Variants in PDE4A observed in about 807,000 individuals in gnomAD.
PDE4A encodes the protein 3',5'-cyclic-AMP phosphodiesterase 4A.
In PDE4A, 21 loss-of-function variants were observed where a neutral mutation model predicts 73.9. The ratio of observed to expected loss-of-function variants is 0.28; its 90% confidence interval spans 0.20 to 0.41. The LOEUF is 0.41. Ranked by LOEUF, PDE4A falls within the 10% of genes least tolerant of loss-of-function variation. The probability of loss-of-function intolerance (pLI) is 1.00; values close to 1 mark genes in which losing one functional copy is unlikely to be tolerated. For synonymous variants in PDE4A, 463 were observed against 505.4 expected, an observed-to-expected ratio of 0.92 and a Z score of 1.13; for missense variants, 958 against 1,211.4, an observed-to-expected ratio of 0.79 and a Z score of 3.10.
intron 6 of PDE4A, 110 bp downstream of exon 6, chr19:10,451,051 C>A: frequency 9.4e-7 from 1 of 1,062,274 alleles, no homozygotes; most frequent in Non-Finnish European, 1.4e-6. Context: ...ATGGAGCCAG[C>A]CATTAGGTTG....
At chr19:10,428,684 A>T (rs1240559557) in intron 1 of PDE4A, 1 of 714,254 alleles carries the variant, frequency 1.4e-6, no homozygotes, top group Non-Finnish European at 1.7e-6. Context: ...CAACTGGGGA[A>T]ACTGAGGCTC....
chr19:10,417,106 G>C (rs1000418507), upstream of PDE4A: 4 of 1,456,874 alleles, frequency 2.7e-6, no homozygotes, highest in Non-Finnish European at 3.6e-6. Context: ...AAGCTGTGAG[G>C]AGTTTGGTCC....
intron 1 of PDE4A, among the ~76,000 whole-genome samples, chr19:10,440,110 A>G (rs952245725): frequency 1.9e-4 from 27 of 144,704 alleles, no homozygotes; most frequent in African/African-American, 7.0e-4. Context: ...TCAGCCTCCC[A>G]AGTACCTGGG....
intron 1 of PDE4A, among the ~76,000 whole-genome samples, chr19:10,425,367 A>C (rs2042704674): frequency 6.6e-6 from 1 of 152,206 alleles, no homozygotes; most frequent in South Asian, 2.1e-4. Flanking sequence ...CTCATCAGTC[A>C]AACGGGGCTG....
chr19:10,459,269 T>G, intron 8 of PDE4A, 131 bp from the exon 9 acceptor site: 1 of 1,491,088 alleles, frequency 6.7e-7, no homozygotes, highest in East Asian at 2.4e-5. Context: ...CATTCTGTGC[T>G]GTTGAACCTG....
Position 10,453,246 on chromosome 19 carries a change from G to A in PDE4A, c.784-1583G>A, listed in dbSNP as rs369358816. On this transcript the variant is annotated intron_variant, in intron 6 of 14. Transcript: ENST00000380702. The surrounding 1 kb of genome is among the most constrained non-coding windows in gnomAD (Gnocchi z 4.6). ...CAGCCTCTGTGTGCAGCAGCCCCAG[G>A]CGGGCTAAGTCTCCAAGATGCCCTT... 1 of 1,608,596 alleles carries A rather than the reference G, an allele frequency of 6.2e-7. No homozygotes were observed. Among genetic ancestry groups the A allele is most frequent in the Non-Finnish European group, 8.5e-7 (1 of 1,177,618 alleles).
intron 1 of PDE4A, among the ~76,000 whole-genome samples, chr19:10,441,687 T>A (rs2042940240): frequency 2.1e-5 from 3 of 140,944 alleles, no homozygotes; most frequent in South Asian, 2.3e-4. Context: ...TTGAGTTATT[T>A]TTTTTTTTTT....
chr19:10,461,120 AG>A lies in PDE4A; in HGVS notation c.1465+21del. The A allele has an allele frequency of 6.2e-7, 1 of 1,601,394 alleles. No individual in the cohort carries two copies. The highest frequency in any genetic ancestry group is 8.5e-7 in the Non-Finnish European group (1 of 1,170,574). Reference sequence around the variant, plus strand: ...TCAACACCAGTGAGTGGCCCTCGCCAGGGGCGGGGTTTGCTGAGTTGGAGGC... The same window carrying A: ...TCAACACCAGTGAGTGGCCCTCGCCAGGGCGGGGTTTGCTGAGTTGGAGGC... On this transcript the variant is annotated intron_variant, in intron 11 of 14. Coordinates refer to ENST00000380702, the MANE Select transcript of PDE4A (RefSeq NM_001111307.2).
chr19:10,418,063 T>C (rs2042605454), upstream of PDE4A, among the ~76,000 whole-genome samples: 1 of 152,150 alleles, frequency 6.6e-6, no homozygotes, highest in Non-Finnish European at 1.5e-5. Flanking sequence ...TATTTCATTT[T>C]CCAGCTGCCT....
chr19:10,453,054 C>A lies in PDE4A; in HGVS notation c.784-1775C>A, dbSNP rs1184184143. ...CTGCCGCGGGGGGGCCCGTTGGGGC[C>A]CAGGGCTGGCGGGCCATGTAACCAG... On this transcript the variant is annotated intron_variant, in intron 6 of 14. Coordinates refer to ENST00000380702, the MANE Select transcript of PDE4A (RefSeq NM_001111307.2). The surrounding 1 kb of genome is among the most constrained non-coding windows in gnomAD (Gnocchi z 4.6). 7.4e-7 allele frequency: 1 copy of A among 1,350,344 alleles called. No homozygotes were observed. Among genetic ancestry groups the A allele is most frequent in the Non-Finnish European group, 9.5e-7 (1 of 1,053,604 alleles). The allele number at this position is 1,350,344 out of a possible 1,614,324, so 83.6% of individuals were successfully genotyped here.
chr19:10,459,636 G>A lies in PDE4A; in HGVS notation c.1242G>A (p.Thr414=), dbSNP rs201979291. ...AGAAATTCCGCATCCCTGTGGACAC[G>A]ATGGTGACATACATGCTGACGCTGG... The part of the protein sequence containing the change: ...LLKKFRIPVD[T]MVTYMLTLED... The change falls in exon 10 of 15, where the codon ACG becomes ACA. Residue 414 remains threonine (T), a synonymous_variant. Coordinates refer to ENST00000380702, the MANE Select transcript of PDE4A (RefSeq NM_001111307.2). 2.2e-4 allele frequency: 361 copies of A among 1,614,102 alleles called. 2 individuals are homozygous for A. The highest frequency in any genetic ancestry group is 2.9e-4 in the Non-Finnish European group (344 of 1,180,048).
Position 10,453,911 on chromosome 19 carries a change from G to A in PDE4A, c.784-918G>A, listed in dbSNP as rs184667393. ...TGGCACCGGGAGGAGGGAGCACCCC[G>A]TCCAAGCCTGGGCCATGCAGGCTCA... On this transcript the variant is annotated intron_variant, in intron 6 of 14. Coordinates refer to ENST00000380702, the MANE Select transcript of PDE4A (RefSeq NM_001111307.2). The surrounding 1 kb of genome is among the most constrained non-coding windows in gnomAD (Gnocchi z 4.6). 1.3e-5 allele frequency among the ~76,000 whole-genome samples: 2 copies of A among 152,214 alleles called. No homozygotes were observed. Among genetic ancestry groups the A allele is most frequent in the Non-Finnish European group, 2.9e-5 (2 of 67,996 alleles).
At position 10,467,598 on chromosome 19, in the gene PDE4A, G is replaced by T. The variant is rs1231480859; in HGVS notation, c.2638G>T (p.Gly880Trp). ...CGCACTCCCAGCTCCTGGTGGCGGG[G>T]GGTCAGGTGGAGACCCTACCTGATC... Reference protein sequence around the residue: ...TSALPAPGGGGSGGDPT With the variant: ...TSALPAPGGGWSGGDPT Residue 880 changes from glycine to tryptophan, a missense_variant, in exon 15 of 15, where the codon GGG becomes TGG. By Grantham distance (184) the Gly-to-Trp change is radical. Transcript: ENST00000380702. The T allele has an allele frequency of 6.3e-7, 1 of 1,581,172 alleles. No individual in the cohort carries two copies. Among genetic ancestry groups the T allele is most frequent in the East Asian group, 2.3e-5 (1 of 44,402 alleles).
intron 1 of PDE4A, among the ~76,000 whole-genome samples, chr19:10,436,994 C>T (rs1336163874): frequency 6.6e-6 from 1 of 152,096 alleles, no homozygotes; most frequent in East Asian, 1.9e-4. Flanking sequence ...GCTGAGATCA[C>T]ATCACTACAC....
At chr19:10,462,300 A>G (rs1157833891) in intron 13 of PDE4A, among the ~76,000 whole-genome samples, 3 of 151,412 alleles carry the variant, frequency 2.0e-5, no homozygotes, top group East Asian at 1.9e-4. Flanking sequence ...GATCACAGGC[A>G]TGCGCCACCA....
At chr19:10,442,537 A>AG (rs2042951702) in intron 1 of PDE4A, among the ~76,000 whole-genome samples, 1 of 151,958 alleles carries the variant, frequency 6.6e-6, no homozygotes, top group African/African-American at 2.4e-5. Context: ...AACAAAACAA[A>AG]GCAAAACAAA....
At position 10,460,038 on chromosome 19, in the gene PDE4A, G is replaced by T. The variant is rs537670911; in HGVS notation, c.1365+279G>T. Among the ~76,000 whole-genome samples the T allele has an allele frequency of 2.0e-5, 3 of 151,948 alleles. No homozygotes were observed. In the South Asian group the frequency reaches 6.2e-4, roughly 32 times the overall value. ...TGGGACTACAGGTGCCCACCACCAC[G>T]CCTGGCTAAGTTTTTATAATATTTT... On this transcript the variant is annotated intron_variant, in intron 10 of 14. Transcript: ENST00000380702.
intron 2 of PDE4A, among the ~76,000 whole-genome samples, chr19:10,448,622 T>A (rs1000087948): frequency 1.3e-5 from 2 of 148,938 alleles, no homozygotes; most frequent in Non-Finnish European, 3.0e-5. Flanking sequence ...GGTGACAGAG[T>A]GAGACTCTGT....
chr19:10,453,106 AGGG>A lies in PDE4A; in HGVS notation c.784-1722_784-1720del. 1 of 1,332,084 alleles carries A rather than the reference AGGG, an allele frequency of 7.5e-7. No individual in the cohort carries two copies. The highest frequency in any genetic ancestry group is 1.8e-5 in the South Asian group (1 of 55,668). The allele number at this position is 1,332,084 out of a possible 1,614,324, so 82.5% of individuals were successfully genotyped here. On this transcript the variant is annotated intron_variant, in intron 6 of 14. Coordinates refer to ENST00000380702, the MANE Select transcript of PDE4A (RefSeq NM_001111307.2). The surrounding 1 kb of genome is among the most constrained non-coding windows in gnomAD (Gnocchi z 4.6). ...GCTGCTGCTGGGAGCGCGGAGGGGA[AGGG>A]AGCCCCCAGCCCTGCTGGGCCGGCC... is the stretch of plus-strand genomic sequence containing the variant.
Sources: allele counts gnomAD v4.1 joint callset (sites outside exome capture counted in the v4.1 genomes callset), GRCh38; gene constraint gnomAD v4.1.1; non-coding constraint Gnocchi (gnomAD v3.1); transcripts MANE v1.5; gene names NCBI Gene and HGNC (gene_info 2026-07-23, HGNC 2026-07-21).